The following CSF2RA variants were observed in gnomAD, a reference collection of about 807,000 sequenced individuals.
CSF2RA encodes the protein colony stimulating factor 2 receptor subunit alpha, also known as granulocyte-macrophage colony-stimulating factor receptor subunit alpha.
CSF2RA carries 42 observed loss-of-function variants against 51.6 expected under a neutral mutation model. The observed-to-expected ratio is 0.81, with a 90% confidence interval of 0.64 to 1.05. The LOEUF is 1.05. Among genes scored for constraint, CSF2RA ranks in the 50% least tolerant of loss-of-function variants. The pLI is 0.00. For synonymous variants in CSF2RA, 222 were observed against 193.0 expected, an observed-to-expected ratio of 1.15 and a Z score of -1.24; for missense variants, 530 against 501.1, an observed-to-expected ratio of 1.06 and a Z score of -0.55.
chrX:1,324,456 GAA>G, the CSF2RA span, among the ~76,000 whole-genome samples: 1 of 24,986 alleles, frequency 4.0e-5, no homozygotes. Flanking sequence ...GAAAGAAAAA[GAA>G]AGAGAAAGGG....
chrX:1,320,664 ATTTT>A, the CSF2RA span, among the ~76,000 whole-genome samples: 32 of 123,380 alleles, frequency 2.6e-4, no homozygotes, highest in African/African-American at 7.0e-4. Context: ...TGCCCAGCTA[ATTTT>A]TTTTTTTTTT....
rs1358049365 is a variant in CSF2RA, at chrX:1,285,491, C to T, written c.77-287C>T. Among the ~76,000 whole-genome samples the T allele has an allele frequency of 3.3e-5, 5 of 150,820 alleles. 1 individual carries two copies. The highest frequency in any genetic ancestry group is 2.7e-4 in the Admixed American group (4 of 15,092). On this transcript the variant is annotated intron_variant, in intron 3 of 12. Coordinates refer to ENST00000381529, the MANE Select transcript of CSF2RA (RefSeq NM_172245.4). Reference sequence around the variant, plus strand: ...GGCGGATCACCTGAGGTCGGCAGTTCGAGACCAGCCTGACCAACATGGTGA... The same window carrying T: ...GGCGGATCACCTGAGGTCGGCAGTTTGAGACCAGCCTGACCAACATGGTGA...
At chrX:1,286,955 A>G (rs1363531221) in intron 4 of CSF2RA, among the ~76,000 whole-genome samples, 2 of 151,968 alleles carry the variant, frequency 1.3e-5, no homozygotes, top group Non-Finnish European at 2.9e-5. Flanking sequence ...GGAGGGAAGG[A>G]GGGAGAAACA....
At chrX:1,273,747 ATTTTT>A (rs749510441) in intron 1 of CSF2RA, among the ~76,000 whole-genome samples, 2,068 of 122,428 alleles carry the variant, frequency 0.017, 24 homozygotes, top group Non-Finnish European at 0.025. Context: ...CGCCCAGCTA[ATTTTT>A]TTTTTTTTTT....
rs1181613267 is a variant in CSF2RA at position 1,309,545 on chromosome X, G to C, written c.*66G>C. The C allele has an allele frequency of 1.9e-6, 3 of 1,613,970 alleles. No homozygotes were observed. The highest frequency in any genetic ancestry group is 2.5e-6 in the Non-Finnish European group (3 of 1,179,858). On this transcript the variant is annotated 3_prime_UTR_variant, in exon 13 of 13. Transcript: ENST00000381529. ...CGCGACACGGGGGAACTGTTTTCTT[G>C]ATGATGCTGTGAACCTTTATATCAT...
chrX:1,278,198 G>C (rs1159768995), intron 2 of CSF2RA, among the ~76,000 whole-genome samples: 2 of 145,222 alleles, frequency 1.4e-5, no homozygotes, highest in Non-Finnish European at 3.0e-5. Context: ...GCCAGGCATG[G>C]TGGTGCGTGC....
At chrX:1,269,622 C>CAAAAAAA (rs1304105564) in intron 1 of CSF2RA, among the ~76,000 whole-genome samples, 1 of 75,154 alleles carries the variant, frequency 1.3e-5, no homozygotes, top group Admixed American at 2.1e-4. Context: ...GATTCTGTCT[C>CAAAAAAA]AAAAAAAAGA....
intron 2 of CSF2RA, chrX:1,282,316 T>C (rs1354813434): frequency 7.2e-5 from 20 of 277,920 alleles, no homozygotes; most frequent in African/African-American, 3.9e-4. Context: ...TAACAGAAAG[T>C]AAAAGCTATG....
intron 3 of CSF2RA, among the ~76,000 whole-genome samples, chrX:1,284,967 A>G (rs2090471917): frequency 1.3e-5 from 2 of 151,688 alleles, no homozygotes; most frequent in South Asian, 4.2e-4. Flanking sequence ...GCGCCTGGCC[A>G]GTTTTTGATG....
At chrX:1,312,144 A>G (rs2084219322), downstream of CSF2RA, among the ~76,000 whole-genome samples, 1 of 152,010 alleles carries the variant, frequency 6.6e-6, no homozygotes, top group South Asian at 2.1e-4. Flanking sequence ...TTTAGTAGAG[A>G]TGGGGTTTCA....
chrX:1,288,077 A>G (rs1490063013), intron 4 of CSF2RA, among the ~76,000 whole-genome samples: 3 of 151,972 alleles, frequency 2.0e-5, no homozygotes, highest in African/African-American at 7.3e-5. Flanking sequence ...TATAAGATTG[A>G]GTTTTCACCT....
chrX:1,279,822 C>A (rs192278257), intron 2 of CSF2RA, among the ~76,000 whole-genome samples: 1 of 151,884 alleles, frequency 6.6e-6, no homozygotes, highest in African/African-American at 2.4e-5. Flanking sequence ...CAGAGTCTCC[C>A]TCTGTCACCC....
At chrX:1,286,550 C>G (rs1477379192) in intron 4 of CSF2RA, among the ~76,000 whole-genome samples, 8 of 144,106 alleles carry the variant, frequency 5.6e-5, no homozygotes, top group Admixed American at 1.4e-4. Flanking sequence ...GCCTGGGCAA[C>G]AAGAGCAAAA....
chrX:1,285,749 A>T (rs2090572128), intron 3 of CSF2RA, 29 bp from the exon 4 acceptor site: 2 of 1,597,838 alleles, frequency 1.3e-6, no homozygotes, highest in Non-Finnish European at 1.7e-6. Context: ...AAAAGAGGAA[A>T]TTCTGAACCC....
intron 2 of CSF2RA, among the ~76,000 whole-genome samples, chrX:1,279,744 C>G (rs1421792946): frequency 6.6e-6 from 1 of 150,928 alleles, no homozygotes; most frequent in Non-Finnish European, 1.5e-5. Context: ...AGCGAGGTTC[C>G]TCTTGCAGAG....
chrX:1,293,367 C>T (rs771863811), intron 7 of CSF2RA, among the ~76,000 whole-genome samples: 42 of 151,962 alleles, frequency 2.8e-4, no homozygotes, highest in African/African-American at 8.7e-4. Flanking sequence ...TACAGGCACC[C>T]GCCACCACGC....
intron 11 of CSF2RA, among the ~76,000 whole-genome samples, chrX:1,304,867 G>A (rs779397262): frequency 1.3e-5 from 2 of 149,628 alleles, no homozygotes; most frequent in South Asian, 2.1e-4. Context: ...GTTTCACCAC[G>A]TTGGCCAGGC....
chrX:1,307,981 T>C (rs1296438663), intron 12 of CSF2RA, among the ~76,000 whole-genome samples: 6 of 149,462 alleles, frequency 4.0e-5, no homozygotes, highest in Non-Finnish European at 8.9e-5. Flanking sequence ...CTTCAGCTTA[T>C]TAATTAGACA....
chrX:1,293,511 G>C (rs777437725), intron 7 of CSF2RA, among the ~76,000 whole-genome samples: 97 of 141,628 alleles, frequency 6.8e-4, no homozygotes, highest in Non-Finnish European at 1.1e-3. Flanking sequence ...GAGCCACCGC[G>C]CCCAGCCCCC....
Sources: gnomAD v4.1 joint callset for allele counts (sites outside exome capture counted in the v4.1 genomes callset) on GRCh38, gnomAD v4.1.1 for gene constraint, MANE v1.5 for transcripts, NCBI Gene and HGNC (gene_info 2026-07-23, HGNC 2026-07-21) for gene names.